CLIP2: variants seen among roughly 807,000 people sequenced by gnomAD.
The protein encoded by CLIP2 is CAP-Gly domain-containing linker protein 2.
CLIP2 carries 41 observed loss-of-function variants against 111.7 expected under a neutral mutation model. The observed-to-expected ratio is 0.37, with a 90% confidence interval of 0.29 to 0.48. The LOEUF is 0.48. Among genes scored for constraint, CLIP2 ranks in the 20% least tolerant of loss-of-function variants. The probability of loss-of-function intolerance (pLI) is 0.99; values close to 1 mark genes in which losing one functional copy is unlikely to be tolerated. For synonymous variants in CLIP2, 660 were observed against 644.2 expected (o/e 1.02, Z -0.37); for missense variants, 1,160 against 1,422.1 (o/e 0.82, Z 2.96).
chr7:74,376,901 GC>G lies in CLIP2; in HGVS notation c.2421+82del. ...GCCTTTTGCTGACCTCTGTTCTGCA[GC>G]CCAGGAAGCATTTCCCTTGTCCCCG... is the stretch of plus-strand genomic sequence containing the variant. On this transcript the variant is annotated intron_variant, in intron 10 of 16. Coordinates refer to ENST00000223398, the MANE Select transcript of CLIP2 (RefSeq NM_003388.5). The surrounding 1 kb of genome is among the most constrained non-coding windows in gnomAD (Gnocchi z 7.1). The G allele has an allele frequency of 7.6e-7, 1 of 1,313,182 alleles. No homozygotes were observed. The highest frequency in any genetic ancestry group is 1.0e-6 in the Non-Finnish European group (1 of 982,120). 81.3% of individuals were successfully genotyped at this position (1,313,182 alleles called of 1,614,324 possible). A position where few individuals can be genotyped will look rare whatever the true frequency, so the allele number is the denominator to read the frequency against.
intron 9 of CLIP2, among the ~76,000 whole-genome samples, chr7:74,374,017 A>T (rs926023070): frequency 2.7e-4 from 41 of 152,100 alleles, no homozygotes; most frequent in African/African-American, 9.7e-4. Flanking sequence ...CAGGCCCCAC[A>T]GTCCCCTCCA....
At chr7:74,370,597 TC>T (rs1243939173) in intron 8 of CLIP2, among the ~76,000 whole-genome samples, 1 of 13,474 alleles carries the variant, frequency 7.4e-5, no homozygotes, top group African/African-American at 2.9e-4. Flanking sequence ...GGCCCAACCC[TC>T]CCCCCCACCA....
rs1027749770 is a variant in CLIP2 at position 74,400,252 on chromosome 7, C to T, written c.2881-118C>T. ...AGGCCTGAGGGACCTCTGGGTGATG[C>T]CCAGGCTTGGAACCCAGAGACAAAG... On this transcript the variant is annotated intron_variant, in intron 14 of 16. Coordinates refer to ENST00000223398, the MANE Select transcript of CLIP2 (RefSeq NM_003388.5). 113 of 881,290 alleles carry T rather than the reference C, an allele frequency of 1.3e-4. 1 individual carries two copies. Among genetic ancestry groups the T allele is most frequent in the South Asian group, 5.9e-4 (31 of 52,618 alleles). The allele number at this position is 881,290 out of a possible 1,614,324, so 54.6% of individuals were successfully genotyped here. A position where few individuals can be genotyped will look rare whatever the true frequency, so the allele number is the denominator to read the frequency against.
intron 11 of CLIP2, among the ~76,000 whole-genome samples, chr7:74,382,721 C>T (rs1327364819): frequency 6.6e-6 from 1 of 151,698 alleles, no homozygotes; most frequent in Admixed American, 6.6e-5. Flanking sequence ...GACATTTTCC[C>T]CACTTTGTCA....
intron 4 of CLIP2, among the ~76,000 whole-genome samples, chr7:74,354,270 G>A (rs368733569): frequency 2.6e-5 from 4 of 152,250 alleles, no homozygotes; most frequent in South Asian, 2.1e-4. Context: ...ATCTGTCCCC[G>A]TGTTCTCTTC....
chr7:74,396,172 C>G (rs1791442829), intron 13 of CLIP2, among the ~76,000 whole-genome samples: 1 of 152,180 alleles, frequency 6.6e-6, no homozygotes, highest in Admixed American at 6.5e-5. Flanking sequence ...CCAAATGTGG[C>G]CTCAGAACCA....
Position 74,318,972 on chromosome 7 carries a change from CA to C in CLIP2, c.121+1308del, listed in dbSNP as rs1326930310. ...GGCAGGACAGGGTCCCTGGCAGAGC[CA>C]AATGGGCAGCGTGAAAGGGCGAGGA... On this transcript the variant is annotated intron_variant, in intron 2 of 16. Coordinates refer to ENST00000223398, the MANE Select transcript of CLIP2 (RefSeq NM_003388.5). 3.3e-5 allele frequency among the ~76,000 whole-genome samples: 5 copies of C among 152,124 alleles called. No individual in the cohort carries two copies. In the East Asian group the frequency reaches 9.7e-4, roughly 29 times the overall value.
intron 1 of CLIP2, among the ~76,000 whole-genome samples, chr7:74,295,954 A>G (rs1307029198): frequency 2.9e-5 from 4 of 139,602 alleles, no homozygotes; most frequent in African/African-American, 1.1e-4. Context: ...GTGCCACTGC[A>G]CTCCAGCCTG....
intron 6 of CLIP2, 129 bp from the exon 7 acceptor site, chr7:74,360,046 T>C (rs1389148555): frequency 2.9e-6 from 2 of 679,062 alleles, no homozygotes; most frequent in Non-Finnish European, 5.0e-6. Context: ...GCCCGGCAGG[T>C]GCCAGCAGGG....
At chr7:74,381,033 G>A in intron 11 of CLIP2, 170 bp downstream of exon 11, 1 of 571,988 alleles carries the variant, frequency 1.7e-6, no homozygotes, top group Middle Eastern at 2.7e-4. Flanking sequence ...GTTTACGGAG[G>A]GATAGGCATT....
chr7:74,364,507 C>G (rs560766032), intron 8 of CLIP2, among the ~76,000 whole-genome samples, 192 bp downstream of exon 8: 160 of 152,312 alleles, frequency 1.1e-3, no homozygotes, highest in Non-Finnish European at 1.8e-3. Context: ...CCCAGGGAAG[C>G]TGTGCTCCCC....
At chr7:74,297,359 C>T (rs1237156603) in intron 1 of CLIP2, among the ~76,000 whole-genome samples, 2 of 152,036 alleles carry the variant, frequency 1.3e-5, no homozygotes, top group Non-Finnish European at 2.9e-5. Context: ...CCTGTAGTGC[C>T]ACTGGGGTGG....
At chr7:74,362,782 G>A (rs919600434) in intron 7 of CLIP2, among the ~76,000 whole-genome samples, 9 of 151,974 alleles carry the variant, frequency 5.9e-5, no homozygotes, top group East Asian at 1.9e-4. Flanking sequence ...TGATCCACCC[G>A]CCTCGGCCTC....
chr7:74,366,736 C>A (rs1790476820), intron 8 of CLIP2, among the ~76,000 whole-genome samples: 2 of 152,106 alleles, frequency 1.3e-5, no homozygotes, highest in African/African-American at 2.4e-5. Flanking sequence ...ATTAGCTGGG[C>A]ATGGTGACGG....
chr7:74,389,327 A>G, intron 13 of CLIP2, 68 bp downstream of exon 13: 6 of 1,432,190 alleles, frequency 4.2e-6, no homozygotes, highest in Non-Finnish European at 5.6e-6. Flanking sequence ...TCTTGACATT[A>G]GCTCATGTTA....
intron 1 of CLIP2, among the ~76,000 whole-genome samples, chr7:74,304,447 A>C (rs1788421201): frequency 6.6e-6 from 1 of 150,994 alleles, no homozygotes; most frequent in East Asian, 2.0e-4. Context: ...AATGGTTTGA[A>C]CCCGGGAGGT....
chr7:74,382,472 T>A (rs1191078355), intron 11 of CLIP2, among the ~76,000 whole-genome samples: 22 of 130,944 alleles, frequency 1.7e-4, no homozygotes, highest in African/African-American at 6.5e-4. Flanking sequence ...GCCCTGCTAA[T>A]TTTTTTTTTT....
intron 3 of CLIP2, 76 bp from the exon 4 acceptor site, chr7:74,353,804 C>A: frequency 6.3e-7 from 1 of 1,598,722 alleles, no homozygotes; most frequent in Non-Finnish European, 8.6e-7. Context: ...ATGGGATAAG[C>A]CTGGGCTGGG....
At chr7:74,399,882 C>T (rs1791570439) in intron 14 of CLIP2, among the ~76,000 whole-genome samples, 1 of 151,274 alleles carries the variant, frequency 6.6e-6, no homozygotes, top group Admixed American at 6.6e-5. Context: ...AGGCTGGGCG[C>T]AGTGGCTCAT....
Sources: gnomAD v4.1 joint callset for allele counts (sites outside exome capture counted in the v4.1 genomes callset) on GRCh38, gnomAD v4.1.1 for gene constraint, Gnocchi (gnomAD v3.1) non-coding constraint, MANE v1.5 for transcripts, NCBI Gene and HGNC (gene_info 2026-07-23, HGNC 2026-07-21) for gene names.